CSTPP1: variants seen among roughly 807,000 people sequenced by gnomAD.
CSTPP1 encodes UPF0705 protein C11orf49.
the CSTPP1 span, among the ~76,000 whole-genome samples, chr11:47,086,362 C>T: frequency 3.3e-5 from 5 of 151,318 alleles, no homozygotes; most frequent in Non-Finnish European, 4.4e-5. Flanking sequence ...GCCAAGATTG[C>T]GCCACTGCAC....
At chr11:46,982,974 ACAGT>A in the CSTPP1 span, among the ~76,000 whole-genome samples, 1 of 152,220 alleles carries the variant, frequency 6.6e-6, no homozygotes, top group East Asian at 1.9e-4. Context: ...ATGAAGTTAC[ACAGT>A]CAGTAAATGA....
At chr11:47,067,785 C>T in the CSTPP1 span, among the ~76,000 whole-genome samples, 1 of 152,234 alleles carries the variant, frequency 6.6e-6, no homozygotes, top group Non-Finnish European at 1.5e-5. Flanking sequence ...GCAGCCCGGA[C>T]AGACTAACAC....
the CSTPP1 span, among the ~76,000 whole-genome samples, chr11:47,093,709 TTTCCCCAGTAGTAAGG>T: frequency 6.6e-6 from 1 of 152,100 alleles, no homozygotes; most frequent in Non-Finnish European, 1.5e-5. Flanking sequence ...AGAGCCTGAG[TTTCCCCAGTAGTAAGG>T]TCATGGCAAA....
At chr11:47,106,472 G>A in the CSTPP1 span, among the ~76,000 whole-genome samples, 4 of 152,036 alleles carry the variant, frequency 2.6e-5, no homozygotes, top group South Asian at 6.2e-4. Context: ...GCAAAACCCC[G>A]TCTCTACTAA....
chr11:47,119,653 C>T, the CSTPP1 span, among the ~76,000 whole-genome samples: 1 of 139,058 alleles, frequency 7.2e-6, no homozygotes, highest in African/African-American at 2.7e-5. Context: ...CTCTTGTTGC[C>T]CAGGCTGGAG....
At chr11:47,126,524 G>A in the CSTPP1 span, among the ~76,000 whole-genome samples, 16 of 152,202 alleles carry the variant, frequency 1.1e-4, 1 homozygote, top group South Asian at 4.2e-4. Flanking sequence ...ACTACTTCCC[G>A]CCTAGGCTAA....
the CSTPP1 span, chr11:46,987,542 G>T: frequency 2.3e-6 from 1 of 444,390 alleles, no homozygotes; most frequent in Non-Finnish European, 4.1e-6. Flanking sequence ...CTTAACAACT[G>T]CTTGTTTGAT....
chr11:46,939,512 T>C, the CSTPP1 span, among the ~76,000 whole-genome samples: 1 of 152,082 alleles, frequency 6.6e-6, no homozygotes, highest in African/African-American at 2.4e-5. Context: ...TTTTTAGGCC[T>C]GGCATGGTGG....
the CSTPP1 span, chr11:46,947,966 C>G: frequency 2.3e-6 from 1 of 442,226 alleles, no homozygotes; most frequent in South Asian, 1.6e-5. Flanking sequence ...GGCAGAACTC[C>G]TCCTGTGGCC....
chr11:47,087,626 G>C, the CSTPP1 span, among the ~76,000 whole-genome samples: 1 of 152,086 alleles, frequency 6.6e-6, no homozygotes, highest in East Asian at 1.9e-4. Context: ...TTGAACCAGG[G>C]AGTCGGAGGT....
At chr11:47,101,164 A>T in the CSTPP1 span, among the ~76,000 whole-genome samples, 1 of 30,372 alleles carries the variant, frequency 3.3e-5, no homozygotes, top group Non-Finnish European at 5.4e-5. Context: ...ACACCGGCTA[A>T]TTTTTTTTTT....
At chr11:46,937,967 C>G in the CSTPP1 span, among the ~76,000 whole-genome samples, 10 of 152,202 alleles carry the variant, frequency 6.6e-5, no homozygotes, top group East Asian at 1.9e-3. Context: ...CTCTGCCTCC[C>G]GGATTCAAGC....
At chr11:47,150,991 A>T in the CSTPP1 span, among the ~76,000 whole-genome samples, 1 of 148,028 alleles carries the variant, frequency 6.8e-6, no homozygotes, top group African/African-American at 2.5e-5. Flanking sequence ...GGTTCAAGCG[A>T]TTCTCCAGCC....
At chr11:47,151,345 G>A in the CSTPP1 span, among the ~76,000 whole-genome samples, 4 of 151,872 alleles carry the variant, frequency 2.6e-5, no homozygotes, top group East Asian at 1.9e-4. Flanking sequence ...CCTAGGGGGC[G>A]GAGGTTGCAG....
At chr11:47,027,816 C>T in the CSTPP1 span, among the ~76,000 whole-genome samples, 2 of 152,126 alleles carry the variant, frequency 1.3e-5, no homozygotes, top group African/African-American at 4.8e-5. Context: ...TTTAAAGAAG[C>T]CAAAGATCTT....
chr11:47,016,439 A>G, the CSTPP1 span, among the ~76,000 whole-genome samples: 3 of 152,022 alleles, frequency 2.0e-5, no homozygotes, highest in East Asian at 5.8e-4. Context: ...AGAACTAATA[A>G]GTGAATTTAT....
chr11:47,089,472 A>G, the CSTPP1 span, among the ~76,000 whole-genome samples: 2 of 152,308 alleles, frequency 1.3e-5, no homozygotes, highest in Non-Finnish European at 2.9e-5. Flanking sequence ...ATTAGATTGA[A>G]GGTAATGTCA....
the CSTPP1 span, among the ~76,000 whole-genome samples, chr11:47,116,684 T>TG: frequency 2.9e-5 from 4 of 139,186 alleles, no homozygotes; most frequent in Non-Finnish European, 6.2e-5. Context: ...GGTTTTTTTT[T>TG]TTTTTTTTTT....
chr11:47,154,984 G>A, the CSTPP1 span: 2 of 615,404 alleles, frequency 3.2e-6, no homozygotes, highest in Non-Finnish European at 5.8e-6. Context: ...GGAGCAGTGA[G>A]GTGACTGGGA....
Sources: allele counts gnomAD v4.1 joint callset (sites outside exome capture counted in the v4.1 genomes callset), GRCh38; gene constraint gnomAD v4.1.1; transcripts MANE v1.5; gene names NCBI Gene and HGNC (gene_info 2026-07-23, HGNC 2026-07-21).